NEO1: variants seen among roughly 807,000 people sequenced by gnomAD.
The protein encoded by NEO1 is neogenin.
In NEO1, 63 loss-of-function variants were observed where a neutral mutation model predicts 159.7. That is an observed-to-expected ratio of 0.39 (90% confidence interval 0.32 to 0.49). NEO1 has a LOEUF of 0.49. Ranked by LOEUF, NEO1 falls within the 20% of genes least tolerant of loss-of-function variation. NEO1 has a pLI of 0.85. For synonymous variants in NEO1, 633 were observed against 662.0 expected, an observed-to-expected ratio of 0.96 and a Z score of 0.67; for missense variants, 1,615 against 1,831.0, an observed-to-expected ratio of 0.88 and a Z score of 2.15.
intron 1 of NEO1, among the ~76,000 whole-genome samples, chr15:73,099,355 T>C (rs1349095934): frequency 1.3e-5 from 2 of 152,236 alleles, no homozygotes; most frequent in Non-Finnish European, 2.9e-5. Context: ...TTGAATTTAG[T>C]TTATCTTTAT....
chr15:73,246,695 C>G (rs572929480), intron 9 of NEO1, among the ~76,000 whole-genome samples: 3 of 152,254 alleles, frequency 2.0e-5, no homozygotes, highest in African/African-American at 7.2e-5. Context: ...GAAGGAAATG[C>G]AAGGGTCCTA....
At chr15:73,270,257 G>A (rs1270451608) in intron 17 of NEO1, 24 bp downstream of exon 17, 1 of 1,613,338 alleles carries the variant, frequency 6.2e-7, no homozygotes, top group African/African-American at 1.3e-5. Flanking sequence ...TGCCCTGGCT[G>A]AAAAAAGCTA....
intron 7 of NEO1, among the ~76,000 whole-genome samples, chr15:73,224,593 G>C (rs912005256): frequency 6.6e-6 from 1 of 152,030 alleles, no homozygotes; most frequent in Non-Finnish European, 1.5e-5. Context: ...CTACTTGTTC[G>C]ATTCTATTGC....
At chr15:73,234,453 C>A (rs2039069188) in intron 7 of NEO1, among the ~76,000 whole-genome samples, 1 of 152,168 alleles carries the variant, frequency 6.6e-6, no homozygotes, top group African/African-American at 2.4e-5. Context: ...AGCATCTAAT[C>A]CTATCGTTTC....
chr15:73,193,910 G>A (rs866537566), intron 7 of NEO1, among the ~76,000 whole-genome samples: 38 of 152,060 alleles, frequency 2.5e-4, no homozygotes, highest in Admixed American at 3.3e-4. Flanking sequence ...TAGAAGGATG[G>A]ATGGGATTAT....
chr15:73,252,141 C>G (rs1196098561), intron 11 of NEO1, among the ~76,000 whole-genome samples: 1 of 152,176 alleles, frequency 6.6e-6, no homozygotes, highest in African/African-American at 2.4e-5. Context: ...CAGAAAGGAG[C>G]AAGACACATT....
intron 23 of NEO1, among the ~76,000 whole-genome samples, chr15:73,287,408 T>C (rs2041987294): frequency 6.6e-6 from 1 of 152,234 alleles, no homozygotes; most frequent in Non-Finnish European, 1.5e-5. Flanking sequence ...TATTCCTCAC[T>C]TTATCAAAAA....
intron 5 of NEO1, among the ~76,000 whole-genome samples, chr15:73,140,257 A>G (rs971133112): frequency 2.0e-5 from 3 of 152,196 alleles, no homozygotes; most frequent in East Asian, 3.9e-4. Context: ...GGCAGAATCT[A>G]TTAAAAACTG....
At chr15:73,287,032 C>T (rs2041973467) in intron 23 of NEO1, among the ~76,000 whole-genome samples, 1 of 152,182 alleles carries the variant, frequency 6.6e-6, no homozygotes, top group Admixed American at 6.5e-5. Flanking sequence ...AATGGTTTCT[C>T]ATTACTCACA....
chr15:73,135,385 A>G (rs1166911356), intron 4 of NEO1, among the ~76,000 whole-genome samples: 1 of 152,084 alleles, frequency 6.6e-6, no homozygotes, highest in Non-Finnish European at 1.5e-5. Context: ...TCTCTCCTAG[A>G]TAAGCTACCA....
At chr15:73,278,082 T>A in intron 21 of NEO1, 49 bp from the exon 22 acceptor site, 1 of 1,541,788 alleles carries the variant, frequency 6.5e-7, no homozygotes, top group Non-Finnish European at 8.9e-7. Flanking sequence ...AAGTGGACTG[T>A]CACGCCAAAT....
chr15:73,263,702 A>G (rs77991626), intron 15 of NEO1, among the ~76,000 whole-genome samples: 7 of 152,190 alleles, frequency 4.6e-5, no homozygotes, highest in African/African-American at 1.7e-4. Flanking sequence ...AACAACTTCA[A>G]GTGCCTAACA....
rs369145948 is a variant in NEO1, at chr15:73,086,815, C to T, written c.131-29725C>T. On this transcript the variant is annotated intron_variant, in intron 1 of 28. Coordinates refer to ENST00000261908, the MANE Select transcript of NEO1 (RefSeq NM_002499.4). The stretch of plus-strand genomic sequence containing the variant: ...GATTACAGGCACATGCCACCCATGC[C>T]TGGCTAATTTTTGTATTTTTAGTAG... Among the ~76,000 whole-genome samples the T allele has an allele frequency of 6.9e-3, 1,042 of 150,268 alleles. 14 individuals are homozygous for T. The highest frequency in any genetic ancestry group is 0.024 in the African/African-American group (992 of 40,704).
At chr15:73,187,009 G>T (rs1200092406) in intron 7 of NEO1, among the ~76,000 whole-genome samples, 1 of 152,180 alleles carries the variant, frequency 6.6e-6, no homozygotes, top group Non-Finnish European at 1.5e-5. Flanking sequence ...AAATTTAGAA[G>T]TGTGACAGAA....
intron 3 of NEO1, among the ~76,000 whole-genome samples, chr15:73,124,392 C>A (rs2029883935): frequency 6.6e-6 from 1 of 152,080 alleles, no homozygotes; most frequent in Non-Finnish European, 1.5e-5. Context: ...TCTTGTCACA[C>A]CTTTGCTCAA....
intron 1 of NEO1, among the ~76,000 whole-genome samples, chr15:73,104,885 T>G (rs1479234708): frequency 1.3e-5 from 2 of 152,098 alleles, no homozygotes; most frequent in Non-Finnish European, 2.9e-5. Context: ...AGGTCTCATG[T>G]ATCACCAGAA....
At chr15:73,110,297 C>A (rs956929598) in intron 1 of NEO1, among the ~76,000 whole-genome samples, 1 of 152,120 alleles carries the variant, frequency 6.6e-6, no homozygotes, top group Non-Finnish European at 1.5e-5. Context: ...ACTTTTCTTA[C>A]AATGAACATT....
intron 7 of NEO1, among the ~76,000 whole-genome samples, chr15:73,215,625 A>G (rs993209758): frequency 2.6e-5 from 4 of 152,236 alleles, no homozygotes; most frequent in African/African-American, 9.6e-5. Flanking sequence ...CATCCCTAGT[A>G]TGAAACACAC....
intron 5 of NEO1, among the ~76,000 whole-genome samples, chr15:73,159,865 T>G (rs996182959): frequency 6.6e-6 from 1 of 152,218 alleles, no homozygotes; most frequent in Non-Finnish European, 1.5e-5. Flanking sequence ...CTATAAAAGA[T>G]TGTATCAATT....
Sources: allele counts gnomAD v4.1 joint callset (sites outside exome capture counted in the v4.1 genomes callset), GRCh38; gene constraint gnomAD v4.1.1; transcripts MANE v1.5; gene names NCBI Gene and HGNC (gene_info 2026-07-23, HGNC 2026-07-21).